Variants in EHBP1L1 observed in about 807,000 individuals in gnomAD.
EHBP1L1 encodes EH domain-binding protein 1-like protein 1.
In EHBP1L1, 122 loss-of-function variants were observed where a neutral mutation model predicts 151.1. That is an observed-to-expected ratio of 0.81 (90% CI 0.70 to 0.94). The LOEUF is 0.94. Ranked by LOEUF, EHBP1L1 falls within the 40% of genes least tolerant of loss-of-function variation. EHBP1L1 has a pLI of 0.00. For missense variants in EHBP1L1, 1,941 were observed against 1,959.8 expected, an observed-to-expected ratio of 0.99 and a Z score of 0.18; for synonymous variants, 878 against 810.1, an observed-to-expected ratio of 1.08 and a Z score of -1.42.
intron 1 of EHBP1L1, 115 bp downstream of exon 1, chr11:65,576,521 A>G: frequency 1.1e-6 from 1 of 903,764 alleles, no homozygotes; most frequent in Non-Finnish European, 1.6e-6. Context: ...CCCCCACCCC[A>G]GCTTGGGCCC....
At chr11:65,578,460 A>G (rs1331820308) in intron 1 of EHBP1L1, among the ~76,000 whole-genome samples, 2 of 152,096 alleles carry the variant, frequency 1.3e-5, no homozygotes, top group Middle Eastern at 3.2e-3. Context: ...ATCTCTGCCC[A>G]GACACCCAAC....
intron 1 of EHBP1L1, among the ~76,000 whole-genome samples, chr11:65,577,550 T>C (rs1291274570): frequency 6.6e-6 from 1 of 152,044 alleles, no homozygotes; most frequent in East Asian, 1.9e-4. Flanking sequence ...CAGGCGGCTG[T>C]GGGTAGGGCC....
chr11:65,581,145 T>C lies in EHBP1L1; in HGVS notation c.703+19T>C. The C allele has an allele frequency of 1.2e-6, 2 of 1,612,356 alleles. No individual in the cohort carries two copies. The highest frequency in any genetic ancestry group is 2.2e-5 in the East Asian group (1 of 44,808). Reference sequence around the variant, plus strand: ...CAGGCAGGTGAGACCCAGGCTGGGGTTGGGGGTGGAGACTGGACCCCAGGT... The same window carrying C: ...CAGGCAGGTGAGACCCAGGCTGGGGCTGGGGGTGGAGACTGGACCCCAGGT... On this transcript the variant is annotated intron_variant, in intron 7 of 18. Transcript: ENST00000309295.
rs1477574782 is a variant in EHBP1L1 at position 65,591,787 on chromosome 11, C to T, written c.4284-13C>T. 3.3e-6 allele frequency: 5 copies of T among 1,535,216 alleles called. No homozygotes were observed. The highest frequency in any genetic ancestry group is 2.4e-5 in the South Asian group (2 of 83,692). ...TGCCACCCCCCCGCCACCCACCCCC[C>T]GCCACCTTCCAGCATGGAGGAGCAG... On this transcript the variant is annotated splice_polypyrimidine_tract_variant and intron_variant, in intron 16 of 18. Transcript: ENST00000309295.
chr11:65,582,602 C>G lies in EHBP1L1; in HGVS notation c.1930C>G (p.Pro644Ala), dbSNP rs779836609. ...AACAGAGGTGGGGGTCATAGAGACC[C>G]CAGGGACAGAGACTGAGGTATTGGG... ...QETEVGVIET[P>A]GTETEVLGTQ... Residue 644 changes from proline to alanine, a missense_variant, in exon 9 of 19, where the codon CCA (proline) becomes GCA (alanine). Pro to Ala is a conservative substitution (Grantham distance 27). Transcript: ENST00000309295. 4 of 1,613,400 alleles carry G rather than the reference C, an allele frequency of 2.5e-6. No homozygotes were observed. In the South Asian group the frequency reaches 4.4e-5, roughly 18 times the overall value.
chr11:65,589,826 T>A lies in EHBP1L1; in HGVS notation c.4003+6T>A. The A allele has an allele frequency of 6.4e-7, 1 of 1,561,020 alleles. No individual in the cohort carries two copies. Among genetic ancestry groups the A allele is most frequent in the Non-Finnish European group, 8.7e-7 (1 of 1,152,632 alleles). On this transcript the variant is annotated splice_donor_region_variant and intron_variant, in intron 13 of 18. Coordinates refer to ENST00000309295, the MANE Select transcript of EHBP1L1 (RefSeq NM_001099409.3). ...AGACTCTCAACAGCCCCCTGGTGAG[T>A]AGCAGGAGTGGTGACCATCTCAGTT...
chr11:65,584,002 G>A, intron 9 of EHBP1L1: 2 of 1,405,732 alleles, frequency 1.4e-6, no homozygotes, highest in East Asian at 2.6e-5. Flanking sequence ...CTGACTTTGA[G>A]GTGTGGCTGC....
At chr11:65,590,043 G>T (rs1274026292) in intron 14 of EHBP1L1, 44 bp from the exon 15 acceptor site, 1 of 1,612,594 alleles carries the variant, frequency 6.2e-7, no homozygotes, top group African/African-American at 1.3e-5. Context: ...CCTATTCAGG[G>T]CCTGGGCTGA....
At position 65,590,121 on chromosome 11, in the gene EHBP1L1, C is replaced by T. The variant is rs1484878086; in HGVS notation, c.4094C>T (p.Ala1365Val). 1 of 1,613,656 alleles carries T rather than the reference C, an allele frequency of 6.2e-7. No individual in the cohort carries two copies. The highest frequency in any genetic ancestry group is 8.5e-7 in the Non-Finnish European group (1 of 1,179,822). The change falls in exon 15 of 19, where the codon GCA (alanine) becomes GTA (valine). Residue 1365 changes from alanine (A) to valine (V), a missense_variant. Coordinates refer to ENST00000309295, the MANE Select transcript of EHBP1L1 (RefSeq NM_001099409.3). ...RFQDTSQYVC[A>V]ELQALEQEQR... Reference sequence around the variant, plus strand: ...CAGGACACAAGTCAGTACGTGTGTGCAGAGCTGCAGGCCCTGGAACAGGAG... The same window carrying T: ...CAGGACACAAGTCAGTACGTGTGTGTAGAGCTGCAGGCCCTGGAACAGGAG...
chr11:65,583,974 C>CT, intron 9 of EHBP1L1: 1 of 1,409,418 alleles, frequency 7.1e-7, no homozygotes, highest in Non-Finnish European at 9.2e-7. Flanking sequence ...CTGGACACCT[C>CT]TAAGCTGATT....
chr11:65,589,186 C>T (rs1443145852), intron 12 of EHBP1L1, among the ~76,000 whole-genome samples: 4 of 152,154 alleles, frequency 2.6e-5, no homozygotes, highest in African/African-American at 9.7e-5. Flanking sequence ...GAGCAGATCA[C>T]CTGAGGTCAG....
intron 12 of EHBP1L1, 39 bp from the exon 13 acceptor site, chr11:65,589,712 G>A (rs1045922436): frequency 4.7e-6 from 7 of 1,495,000 alleles, no homozygotes; most frequent in Non-Finnish European, 6.2e-6. Flanking sequence ...AGGCTGGTGG[G>A]AAACCCCTCC....
chr11:65,589,495 C>T (rs1313520886), intron 12 of EHBP1L1, among the ~76,000 whole-genome samples: 6 of 152,074 alleles, frequency 3.9e-5, no homozygotes, highest in Admixed American at 1.3e-4. Flanking sequence ...TTGGGAGGCT[C>T]GGAGCCTGGG....
rs762580891 is a variant in EHBP1L1 at position 65,583,359 on chromosome 11, C to T, written c.2687C>T (p.Ala896Val). ...VQEAETRVGS[A>V]LKYEALRAPV... ...GAAGCAGAGACTAGAGTTGGGAGTGCTCTCAAATATGAGGCTTTAAGGGCC... is the reference window on the plus strand; with the variant it reads ...GAAGCAGAGACTAGAGTTGGGAGTGTTCTCAAATATGAGGCTTTAAGGGCC... The change falls in exon 9 of 19, where the codon GCT (alanine) becomes GTT (valine). Residue 896 changes from alanine (A) to valine (V), a missense_variant. Transcript: ENST00000309295. 1 of 1,613,610 alleles carries T rather than the reference C, an allele frequency of 6.2e-7. No homozygotes were observed. The highest frequency in any genetic ancestry group is 1.1e-5 in the South Asian group (1 of 91,058).
Position 65,580,483 on chromosome 11 carries a change from G to A in EHBP1L1, c.634+4G>A. On this transcript the variant is annotated splice_donor_region_variant and intron_variant, in intron 6 of 18. Coordinates refer to ENST00000309295, the MANE Select transcript of EHBP1L1 (RefSeq NM_001099409.3). ...CGGGCTCGAGTCCCCCAGCCAGGTG[G>A]GCTCACAGCCTGCTGTGGATCGAGA... 1 of 1,610,776 alleles carries A rather than the reference G, an allele frequency of 6.2e-7. No homozygotes were observed. Among genetic ancestry groups the A allele is most frequent in the Non-Finnish European group, 8.5e-7 (1 of 1,179,584 alleles).
In EHBP1L1 at chr11:65,576,378, G is replaced by T; in HGVS notation, c.76G>T (p.Glu26Ter). Reference sequence around the variant, plus strand: ...GTTCCAGTTCGTGGCCTGTTACCACGAGCTAGTGTTGGAGTGCACCAAGAA... The same window carrying T: ...GTTCCAGTTCGTGGCCTGTTACCACTAGCTAGTGTTGGAGTGCACCAAGAA... Reference protein sequence around the residue: ...AKFQFVACYHELVLECTKKWQ... With the variant: ...AKFQFVACYH Residue 26 changes from glutamate (E) to a stop codon, truncating the protein, a stop_gained, in exon 1 of 19, where the codon GAG becomes TAG. Transcript: ENST00000309295. LOFTEE classifies it high-confidence loss of function. The T allele has an allele frequency of 6.3e-7, 1 of 1,593,358 alleles. No individual in the cohort carries two copies. Among genetic ancestry groups the T allele is most frequent in the Non-Finnish European group, 8.5e-7 (1 of 1,170,368 alleles).
At chr11:65,586,390 T>C (rs1355625485) in intron 12 of EHBP1L1, among the ~76,000 whole-genome samples, 1 of 152,248 alleles carries the variant, frequency 6.6e-6, no homozygotes, top group Non-Finnish European at 1.5e-5. Flanking sequence ...GGGGCAGCTC[T>C]GCCAGGCTGC....
At chr11:65,589,591 GC>G (rs1475817585) in intron 12 of EHBP1L1, among the ~76,000 whole-genome samples, 159 bp from the exon 13 acceptor site, 2 of 152,182 alleles carry the variant, frequency 1.3e-5, no homozygotes, top group African/African-American at 4.8e-5. Flanking sequence ...AAGGAGGTGG[GC>G]CCGGGGGTTC....
rs769335847 is a variant in EHBP1L1, at chr11:65,580,111, A to T, written c.343A>T (p.Thr115Ser). 1 of 1,613,252 alleles carries T rather than the reference A, an allele frequency of 6.2e-7. No homozygotes were observed. The highest frequency in any genetic ancestry group is 8.5e-7 in the Non-Finnish European group (1 of 1,179,638). Residue 115 changes from threonine to serine, a missense_variant, in exon 5 of 19, where the codon ACG becomes TCG. Thr to Ser is a moderately conservative substitution (Grantham distance 58, BLOSUM62 1). Coordinates refer to ENST00000309295, the MANE Select transcript of EHBP1L1 (RefSeq NM_001099409.3). ...TAAGGGGCAGCGGAAGGTGCTGGCC[A>T]CGGCCGAGGTGGACCTGGCCCGCCA... ...ESKGQRKVLA[T>S]AEVDLARHAG...
Sources: allele counts gnomAD v4.1 joint callset (sites outside exome capture counted in the v4.1 genomes callset), GRCh38; gene constraint gnomAD v4.1.1; transcripts MANE v1.5; gene names NCBI Gene and HGNC (gene_info 2026-07-23, HGNC 2026-07-21).